Variants in RNF214 observed in about 807,000 individuals in gnomAD.
The protein encoded by RNF214 is ring finger protein 214.
RNF214 carries 25 observed loss-of-function variants against 75.9 expected under a neutral mutation model. That is an observed-to-expected ratio of 0.33 (90% confidence interval 0.24 to 0.46). RNF214 has a LOEUF of 0.46. Ranked by LOEUF, RNF214 falls within the 20% of genes least tolerant of loss-of-function variation. The pLI, the probability that RNF214 is intolerant of heterozygous loss-of-function variation, is 1.00. For missense variants in RNF214, 725 were observed against 857.5 expected, an observed-to-expected ratio of 0.85 and a Z score of 1.93; for synonymous variants, 314 against 308.8, an observed-to-expected ratio of 1.02 and a Z score of -0.18.
At chr11:117,242,375 T>G (rs1233275322) in intron 4 of RNF214, among the ~76,000 whole-genome samples, 6 of 152,194 alleles carry the variant, frequency 3.9e-5, no homozygotes, top group Non-Finnish European at 7.3e-5. Flanking sequence ...CTGGTGTACA[T>G]TAACCAGATG....
chr11:117,242,382 G>C (rs1473504358), intron 4 of RNF214, among the ~76,000 whole-genome samples: 3 of 152,204 alleles, frequency 2.0e-5, no homozygotes, highest in African/African-American at 7.2e-5. Flanking sequence ...ACATTAACCA[G>C]ATGAAGCCAA....
chr11:117,259,605 T>C (rs1339624782), intron 6 of RNF214, among the ~76,000 whole-genome samples: 1 of 152,246 alleles, frequency 6.6e-6, no homozygotes, highest in African/African-American at 2.4e-5. Context: ...TTTCATTGTG[T>C]GTGTTTTTTA....
chr11:117,262,849 A>T (rs1446296180), intron 6 of RNF214, among the ~76,000 whole-genome samples: 2 of 152,038 alleles, frequency 1.3e-5, no homozygotes, highest in Non-Finnish European at 2.9e-5. Flanking sequence ...TTGCTCTGCC[A>T]CCCAGGTTGA....
intron 6 of RNF214, among the ~76,000 whole-genome samples, chr11:117,268,117 AT>A (rs2033835510): frequency 6.6e-6 from 1 of 152,184 alleles, no homozygotes; most frequent in African/African-American, 2.4e-5. Context: ...TGACAGCACC[AT>A]TTGTCACACA....
chr11:117,251,737 G>A (rs1456320626), intron 6 of RNF214, among the ~76,000 whole-genome samples: 1 of 152,290 alleles, frequency 6.6e-6, no homozygotes, highest in Middle Eastern at 3.4e-3. Flanking sequence ...CGTGAAGTGG[G>A]GGAGTGAGGC....
intron 6 of RNF214, among the ~76,000 whole-genome samples, chr11:117,259,459 G>A (rs2033605434): frequency 6.6e-6 from 1 of 152,140 alleles, no homozygotes; most frequent in African/African-American, 2.4e-5. Flanking sequence ...GGGTTGTAGG[G>A]TAGATGTATG....
intron 7 of RNF214, 82 bp downstream of exon 7, chr11:117,280,086 C>T (rs1448277551): frequency 6.8e-7 from 1 of 1,476,188 alleles, no homozygotes; most frequent in Non-Finnish European, 9.4e-7. Flanking sequence ...AATAGGAGAG[C>T]CAGTAAGCAT....
intron 6 of RNF214, among the ~76,000 whole-genome samples, chr11:117,271,124 T>G (rs1056925780): frequency 3.3e-5 from 5 of 151,686 alleles, no homozygotes; most frequent in African/African-American, 1.2e-4. Context: ...GGTCTCAAAC[T>G]CCTGTGTTCA....
chr11:117,269,340 G>A (rs1290669158), intron 6 of RNF214, among the ~76,000 whole-genome samples: 2 of 152,144 alleles, frequency 1.3e-5, no homozygotes, highest in Non-Finnish European at 2.9e-5. Context: ...AAGATGAGGG[G>A]CAGAACTTCA....
At chr11:117,277,904 G>A (rs2034045586) in intron 6 of RNF214, among the ~76,000 whole-genome samples, 2 of 151,838 alleles carry the variant, frequency 1.3e-5, no homozygotes, top group Admixed American at 6.6e-5. Context: ...AACCTGAGAG[G>A]TGGAGGCTGC....
At chr11:117,236,484 G>T (rs1397373260) in intron 2 of RNF214, among the ~76,000 whole-genome samples, 1 of 152,002 alleles carries the variant, frequency 6.6e-6, no homozygotes, top group Non-Finnish European at 1.5e-5. Flanking sequence ...ATGTTGTCCA[G>T]GATGGTCTCG....
intron 6 of RNF214, among the ~76,000 whole-genome samples, chr11:117,254,122 G>A (rs964978981): frequency 6.6e-6 from 1 of 152,070 alleles, no homozygotes; most frequent in East Asian, 1.9e-4. Flanking sequence ...GGTAGTGGCC[G>A]CCTGTAGTCC....
chr11:117,238,785 C>A lies in RNF214; in HGVS notation c.292C>A (p.Leu98Ile), dbSNP rs777014311. 1 of 1,614,136 alleles carries A rather than the reference C, an allele frequency of 6.2e-7. No individual in the cohort carries two copies. ...AGGAGAAAACTTGATAGCCACAGCC[C>A]TTTGTCTTTCTGGCAGTGGGTCTCA... Reference protein sequence around the residue: ...VLGENLIATALCLSGSGSQSD... With the variant: ...VLGENLIATAICLSGSGSQSD... Residue 98 changes from leucine (L) to isoleucine (I), a missense_variant, in exon 3 of 15, where the codon CTT (leucine) becomes ATT (isoleucine). Around this residue, in one of 2 missense-constraint regions of RNF214, gnomAD observed 362 missense variants for 344.5 expected, o/e 1.05. Transcript: ENST00000300650.
chr11:117,243,437 C>T (rs1043984490), intron 4 of RNF214, among the ~76,000 whole-genome samples: 3 of 151,892 alleles, frequency 2.0e-5, no homozygotes, highest in Admixed American at 6.6e-5. Flanking sequence ...TGAGCCACTG[C>T]GCCCAGCCTT....
intron 6 of RNF214, among the ~76,000 whole-genome samples, chr11:117,274,477 C>T (rs1258615360): frequency 1.3e-5 from 2 of 149,436 alleles, no homozygotes; most frequent in East Asian, 3.9e-4. Flanking sequence ...GTTCTCCTGC[C>T]TCAGCCTCCT....
chr11:117,262,707 T>TTGTGTGTGTGTG (rs57686552), intron 6 of RNF214, among the ~76,000 whole-genome samples: 9,848 of 147,638 alleles, frequency 0.067, 379 homozygotes, highest in East Asian at 0.12. Flanking sequence ...TTGAGGAACG[T>TTGTGTGTGTGTG]TGTGTGTGTG....
intron 6 of RNF214, among the ~76,000 whole-genome samples, chr11:117,264,712 A>G (rs1464984953): frequency 2.6e-5 from 4 of 152,030 alleles, no homozygotes; most frequent in East Asian, 1.9e-4. Flanking sequence ...TTTACATGGT[A>G]TATGTTTTTC....
At chr11:117,270,525 G>T (rs567062124) in intron 6 of RNF214, among the ~76,000 whole-genome samples, 1 of 151,478 alleles carries the variant, frequency 6.6e-6, no homozygotes, top group South Asian at 2.1e-4. Flanking sequence ...TCCACCTCCC[G>T]GGTTCAAGCA....
intron 14 of RNF214, among the ~76,000 whole-genome samples, chr11:117,283,581 G>A (rs1427247142): frequency 6.6e-6 from 1 of 151,948 alleles, no homozygotes; most frequent in Non-Finnish European, 1.5e-5. Flanking sequence ...GGCTGGTCTC[G>A]AACTCCTGAC....
Sources: allele counts gnomAD v4.1 joint callset (sites outside exome capture counted in the v4.1 genomes callset), GRCh38; gene constraint gnomAD v4.1.1; regional missense constraint gnomAD v4.1.1; transcripts MANE v1.5; gene names NCBI Gene and HGNC (gene_info 2026-07-23, HGNC 2026-07-21).